Variants in ZNF410 observed in about 807,000 individuals in gnomAD.
The protein encoded by ZNF410 is zinc finger protein 410.
Under a neutral mutation model 54.8 loss-of-function variants are expected in ZNF410, and 18 were observed. The ratio of observed to expected loss-of-function variants is 0.33; its 90% CI spans 0.23 to 0.49. The LOEUF is 0.49. ZNF410 is among the 20% of genes least tolerant of loss of function. ZNF410 has a pLI of 0.99. For synonymous variants in ZNF410, 191 were observed against 207.3 expected, an observed-to-expected ratio of 0.92 and a Z score of 0.68; for missense variants, 405 against 569.6, an observed-to-expected ratio of 0.71 and a Z score of 2.94.
Position 73,896,437 on chromosome 14 carries a change from C to T in ZNF410, c.291C>T (p.Ser97=). 6.2e-7 allele frequency: 1 copy of T among 1,614,172 alleles called. No individual in the cohort carries two copies. The highest frequency in any genetic ancestry group is 1.7e-5 in the Admixed American group (1 of 60,020). Reference sequence around the variant, plus strand: ...CGAGAGCTCAGACTGTACAGAAATCCCCGGAGTTTTTGTCCACTTCAGAGT... The same window carrying T: ...CGAGAGCTCAGACTGTACAGAAATCTCCGGAGTTTTTGTCCACTTCAGAGT... ...EETRAQTVQK[S]PEFLSTSESS... Residue 97 remains serine (S), a synonymous_variant, in exon 4 of 12, where the codon TCC becomes TCT. Transcript: ENST00000555044.
intron 9 of ZNF410, 59 bp downstream of exon 9, chr14:73,921,164 C>G: frequency 6.3e-7 from 1 of 1,599,378 alleles, no homozygotes; most frequent in Non-Finnish European, 8.5e-7. Context: ...AGAGCCAAAT[C>G]ACTGTCCTGC....
rs773646861 is a variant in ZNF410 at position 73,901,686 on chromosome 14, T to C, written c.581-2274T>C. On this transcript the variant is annotated intron_variant, in intron 5 of 11. Transcript: ENST00000555044. ...TGGCTCATGCCTGTAATCCCAGCAC[T>C]TTGGGTGGCCGAGGCGGGTGGATCT... 6.5e-4 allele frequency among the ~76,000 whole-genome samples: 99 copies of C among 151,826 alleles called. 1 individual carries two copies. The highest frequency in any genetic ancestry group is 3.5e-4 in the Non-Finnish European group (24 of 67,962).
intron 6 of ZNF410, 85 bp downstream of exon 6, chr14:73,904,195 A>G: frequency 6.7e-7 from 1 of 1,482,942 alleles, no homozygotes; most frequent in Non-Finnish European, 9.1e-7. Context: ...CAGGTTGACA[A>G]ATTACAGGAA....
chr14:73,921,142 T>A (rs1185626754), intron 9 of ZNF410, 37 bp downstream of exon 9: 7 of 1,608,126 alleles, frequency 4.4e-6, no homozygotes, highest in Non-Finnish European at 5.9e-6. Flanking sequence ...CTGTACTACT[T>A]CTAGGGTTCC....
intron 11 of ZNF410, chr14:73,927,144 G>T: frequency 4.6e-6 from 1 of 217,646 alleles, no homozygotes; most frequent in Admixed American, 5.0e-5. Context: ...GGAGTGCAGT[G>T]GCACCATCTC....
intron 4 of ZNF410, 112 bp from the exon 5 acceptor site, chr14:73,897,959 G>C: frequency 9.9e-7 from 1 of 1,007,218 alleles, no homozygotes; most frequent in Non-Finnish European, 1.4e-6. Context: ...GTGACAGAGC[G>C]AGACGCCGTC....
intron 11 of ZNF410, among the ~76,000 whole-genome samples, chr14:73,925,276 C>A (rs1353994659): frequency 6.6e-6 from 1 of 152,186 alleles, no homozygotes; most frequent in East Asian, 1.9e-4. Context: ...GAGCCTTCCT[C>A]TTTCTCCTCC....
intron 1 of ZNF410, chr14:73,891,812 ATTATTAGAGG>A (rs1188859476): frequency 1.1e-5 from 6 of 560,738 alleles, no homozygotes; most frequent in African/African-American, 9.7e-5. Flanking sequence ...AGTTTTTTAG[ATTATTAGAGG>A]TTGAAATACT....
At chr14:73,924,626 T>C (rs1156594832) in intron 11 of ZNF410, 1 of 430,808 alleles carries the variant, frequency 2.3e-6, no homozygotes, top group Non-Finnish European at 4.6e-6. Context: ...GCTTGGATCC[T>C]TTCAGTATTA....
At chr14:73,888,902 A>C (rs1236289723) in intron 1 of ZNF410, among the ~76,000 whole-genome samples, 1 of 152,194 alleles carries the variant, frequency 6.6e-6, no homozygotes, top group Non-Finnish European at 1.5e-5. Context: ...CAAATCATAA[A>C]CTTGGACACA....
At chr14:73,909,261 A>G (rs2055539058) in intron 7 of ZNF410, 80 bp from the exon 8 acceptor site, 1 of 1,235,588 alleles carries the variant, frequency 8.1e-7, no homozygotes, top group Admixed American at 2.1e-5. Context: ...TTAGACTCTG[A>G]ATAAAGTTGG....
chr14:73,928,734 A>C (rs2055869496), intron 11 of ZNF410, among the ~76,000 whole-genome samples: 1 of 152,192 alleles, frequency 6.6e-6, no homozygotes, highest in South Asian at 2.1e-4. Flanking sequence ...ACTTGAGGCC[A>C]GAAGTTCGAG....
In ZNF410 at chr14:73,926,084, C is replaced by T. The variant is rs549564619; in HGVS notation, c.1398+2562C>T. The stretch of plus-strand genomic sequence containing the variant: ...ATACTGTTCTTGTTTTATCTCTTTC[C>T]TCCTTTTGTTGTTGTTGCTGTTTAT... On this transcript the variant is annotated intron_variant, in intron 11 of 11. Coordinates refer to ENST00000555044, the MANE Select transcript of ZNF410 (RefSeq NM_021188.3). 1.6e-4 allele frequency among the ~76,000 whole-genome samples: 24 copies of T among 152,228 alleles called. No homozygotes were observed. The South Asian group carries it at 4.6e-3, about 29-fold the overall frequency.
chr14:73,896,131 C>T lies in ZNF410; in HGVS notation c.170-185C>T, dbSNP rs1027116423. The T allele has an allele frequency of 1.9e-5, 11 of 573,104 alleles. No homozygotes were observed. In the Admixed American group the frequency reaches 2.3e-4, roughly 12 times the overall value. 35.5% of individuals were successfully genotyped at this position (573,104 alleles called of 1,614,324 possible). A position where few individuals can be genotyped will look rare whatever the true frequency, so the allele number is the denominator to read the frequency against. On this transcript the variant is annotated intron_variant, in intron 3 of 11. Coordinates refer to ENST00000555044, the MANE Select transcript of ZNF410 (RefSeq NM_021188.3). Reference sequence around the variant, plus strand: ...ATTCTGTTCCTCACGTTTTGGCTGACTGCCTTTGGAACATAAAGCCATCTC... The same window carrying T: ...ATTCTGTTCCTCACGTTTTGGCTGATTGCCTTTGGAACATAAAGCCATCTC...
intron 11 of ZNF410, among the ~76,000 whole-genome samples, chr14:73,928,391 A>C (rs1382865785): frequency 1.3e-5 from 2 of 152,054 alleles, no homozygotes; most frequent in Non-Finnish European, 2.9e-5. Context: ...GCTGGAGAGG[A>C]AAATTGAGAG....
chr14:73,911,952 G>A (rs1033234292), intron 8 of ZNF410, among the ~76,000 whole-genome samples: 13 of 152,002 alleles, frequency 8.6e-5, no homozygotes, highest in Admixed American at 2.6e-4. Context: ...TTCCATTTAT[G>A]TCATTTAACT....
chr14:73,897,238 G>C (rs566168491), intron 4 of ZNF410, among the ~76,000 whole-genome samples: 1 of 152,174 alleles, frequency 6.6e-6, no homozygotes, highest in East Asian at 1.9e-4. Flanking sequence ...AAAGAGATGG[G>C]GAGTGGATGG....
rs200677588 is a variant in ZNF410 at position 73,923,419 on chromosome 14, G to A, written c.1295G>A (p.Arg432His). ...DDEVLAEGSP[R>H]SLSSVPDVTH... is the part of the protein sequence containing the mutation. ...GAGGTGCTTGCTGAAGGATCCCCAC[G>A]TTCCCTGTCTTCAGTGCCTGATGTG... Residue 432 changes from arginine to histidine, a missense_variant, in exon 11 of 12, where the codon CGT (arginine) becomes CAT (histidine). Around this residue, in one of 3 missense-constraint regions of ZNF410, gnomAD observed 127 missense variants for 141.3 expected, o/e 0.90. Coordinates refer to ENST00000555044, the MANE Select transcript of ZNF410 (RefSeq NM_021188.3). 68 of 1,613,396 alleles carry A rather than the reference G, an allele frequency of 4.2e-5. No individual in the cohort carries two copies. The highest frequency in any genetic ancestry group is 5.4e-5 in the Non-Finnish European group (64 of 1,179,782).
At chr14:73,923,342 A>G in intron 10 of ZNF410, 53 bp from the exon 11 acceptor site, 1 of 1,584,398 alleles carries the variant, frequency 6.3e-7, no homozygotes, top group South Asian at 1.2e-5. Context: ...TGATCCAGAT[A>G]GGTGTATCTC....
Sources: gnomAD v4.1 joint callset for allele counts (sites outside exome capture counted in the v4.1 genomes callset) on GRCh38, gnomAD v4.1.1 for gene constraint, gnomAD v4.1.1 regional missense constraint, MANE v1.5 for transcripts, NCBI Gene and HGNC (gene_info 2026-07-23, HGNC 2026-07-21) for gene names.